TNFRSF9: variants seen among roughly 807,000 people sequenced by gnomAD.
The protein encoded by TNFRSF9 is tumor necrosis factor receptor superfamily member 9.
TNFRSF9 carries 16 observed loss-of-function variants against 28.8 expected under a neutral mutation model. The ratio of observed to expected loss-of-function variants is 0.55; its 90% CI spans 0.38 to 0.84. The LOEUF (loss-of-function observed/expected upper bound fraction) is 0.84, where lower values mean the gene tolerates loss of function less well. Ranked by LOEUF, TNFRSF9 falls within the 40% of genes least tolerant of loss-of-function variation. The probability of loss-of-function intolerance (pLI) is 0.00; values close to 1 mark genes in which losing one functional copy is unlikely to be tolerated. For missense variants in TNFRSF9, 303 were observed against 315.0 expected (o/e 0.96, Z 0.29); for synonymous variants, 131 against 117.0 (o/e 1.12, Z -0.77).
chr1:7,938,121 C>G (rs1466425481), intron 4 of TNFRSF9, 72 bp downstream of exon 4: 1 of 1,378,796 alleles, frequency 7.3e-7, no homozygotes, highest in Non-Finnish European at 9.6e-7. Context: ...TGTTTATTTT[C>G]AAAGGATCAA....
chr1:7,932,687 A>ACGCGCACACACACACG (rs1639749578), intron 7 of TNFRSF9, among the ~76,000 whole-genome samples: 1 of 149,944 alleles, frequency 6.7e-6, no homozygotes, highest in Non-Finnish European at 1.5e-5. Context: ...ACACGCACGC[A>ACGCGCACACACACACG]CGCGCACACA....
intron 7 of TNFRSF9, among the ~76,000 whole-genome samples, chr1:7,925,679 G>A (rs1411365590): frequency 6.6e-6 from 1 of 152,174 alleles, no homozygotes; most frequent in African/African-American, 2.4e-5. Flanking sequence ...TCCCATCTGG[G>A]GGTGATGGGG....
intron 7 of TNFRSF9, among the ~76,000 whole-genome samples, chr1:7,930,000 G>A (rs1459201318): frequency 1.0e-5 from 1 of 95,724 alleles, no homozygotes; most frequent in Non-Finnish European, 1.9e-5. Context: ...ACGGAGTTTC[G>A]CTTTTGTTGC....
At chr1:7,932,039 A>AGGCAGGAGAATCGCTTGAACCC (rs1553119862) in intron 7 of TNFRSF9, among the ~76,000 whole-genome samples, 2 of 152,168 alleles carry the variant, frequency 1.3e-5, no homozygotes, top group Non-Finnish European at 2.9e-5. Context: ...CGGGAGCCTG[A>AGGCAGGAGAATCGCTTGAACCC]GGCAGGAGAA....
At chr1:7,921,494 C>T (rs1009583146) in intron 7 of TNFRSF9, among the ~76,000 whole-genome samples, 10 of 151,614 alleles carry the variant, frequency 6.6e-5, no homozygotes, top group African/African-American at 2.2e-4. Context: ...GGTGAAACCC[C>T]GTCTCTACTA....
intron 7 of TNFRSF9, among the ~76,000 whole-genome samples, chr1:7,925,749 G>A (rs891932855): frequency 7.2e-5 from 11 of 152,066 alleles, no homozygotes; most frequent in East Asian, 1.9e-4. Flanking sequence ...TCGATCCCTC[G>A]TATGCGCAGT....
In TNFRSF9 at chr1:7,922,537, C is replaced by T. The variant is rs189438253; in HGVS notation, c.680-1614G>A. On this transcript the variant is annotated intron_variant, in intron 7 of 7. Transcript: ENST00000377507. ...AAGCAAAAACCAAGAAGAGGCCAGG[C>T]GTGGTGACTCACATCTGTAATCCCA... 2.1e-3 allele frequency among the ~76,000 whole-genome samples: 320 copies of T among 152,186 alleles called. 1 individual carries two copies. Among genetic ancestry groups the T allele is most frequent in the Non-Finnish European group, 1.4e-3 (93 of 68,002 alleles).
chr1:7,921,607 G>C (rs543758171), intron 7 of TNFRSF9, among the ~76,000 whole-genome samples: 5 of 152,182 alleles, frequency 3.3e-5, no homozygotes, highest in African/African-American at 1.2e-4. Flanking sequence ...GGTGGAGGTT[G>C]CAGTGAGCTG....
chr1:7,925,160 T>C (rs1639628301), intron 7 of TNFRSF9, among the ~76,000 whole-genome samples: 1 of 151,920 alleles, frequency 6.6e-6, no homozygotes, highest in Admixed American at 6.6e-5. Flanking sequence ...ATACAAAAAT[T>C]AGCCAGGCGT....
Position 7,920,815 on chromosome 1 carries a change from C to T in TNFRSF9, c.*20G>A, listed in dbSNP as rs780111249. 6 of 1,594,542 alleles carry T rather than the reference C, an allele frequency of 3.8e-6. No homozygotes were observed. Among genetic ancestry groups the T allele is most frequent in the African/African-American group, 1.3e-5 (1 of 74,608 alleles). On this transcript the variant is annotated 3_prime_UTR_variant, in exon 8 of 8. Transcript: ENST00000377507. The stretch of plus-strand genomic sequence containing the variant: ...TTGCTTCTTTTCAAGAAAGTCCCAA[C>T]AGCCCTATTGACTTCCATTTCACAG...
intron 7 of TNFRSF9, 119 bp downstream of exon 7, chr1:7,933,043 G>T (rs1376688175): frequency 2.4e-6 from 3 of 1,272,392 alleles, no homozygotes; most frequent in Admixed American, 5.1e-5. Context: ...TTGCCCCTGC[G>T]TGATAGCCAC....
chr1:7,938,400 T>G, intron 3 of TNFRSF9, 70 bp from the exon 4 acceptor site: 4 of 1,439,900 alleles, frequency 2.8e-6, no homozygotes, highest in Non-Finnish European at 3.7e-6. Context: ...GAATTTATGC[T>G]CTGCAGTAAA....
In TNFRSF9 at chr1:7,930,723, C is replaced by T. The variant is rs536932900; in HGVS notation, c.679+2439G>A. Among the ~76,000 whole-genome samples, 145 of 152,188 alleles carry T rather than the reference C, an allele frequency of 9.5e-4. No homozygotes were observed. In the Middle Eastern group the frequency reaches 0.014, roughly 14 times the overall value. On this transcript the variant is annotated intron_variant, in intron 7 of 7. Transcript: ENST00000377507. Reference sequence around the variant, plus strand: ...GTTCGAGGCTACAGTGAGCTGTGATCGCACCATTGCACTTCAGCCTGGGTG... The same window carrying T: ...GTTCGAGGCTACAGTGAGCTGTGATTGCACCATTGCACTTCAGCCTGGGTG...
At chr1:7,921,640 C>G (rs1206833489) in intron 7 of TNFRSF9, among the ~76,000 whole-genome samples, 3 of 151,828 alleles carry the variant, frequency 2.0e-5, no homozygotes, top group Non-Finnish European at 4.4e-5. Flanking sequence ...TGCACTCCAG[C>G]CTGGGTGACA....
chr1:7,938,070 T>G, intron 4 of TNFRSF9, 123 bp downstream of exon 4: 1 of 781,398 alleles, frequency 1.3e-6, no homozygotes, highest in Admixed American at 3.0e-5. Context: ...ATATGATATA[T>G]CATATACTCC....
intron 7 of TNFRSF9, among the ~76,000 whole-genome samples, chr1:7,927,783 G>T (rs1310519507): frequency 6.6e-6 from 1 of 150,778 alleles, no homozygotes; most frequent in Non-Finnish European, 1.5e-5. Flanking sequence ...AGAATTCTTA[G>T]ACATGACTCC....
At chr1:7,925,531 A>G (rs896048714) in intron 7 of TNFRSF9, among the ~76,000 whole-genome samples, 1 of 152,110 alleles carries the variant, frequency 6.6e-6, no homozygotes, top group Non-Finnish European at 1.5e-5. Flanking sequence ...TGGTTTCAGG[A>G]TGATTCAAGC....
At chr1:7,929,783 C>A (rs942038582) in intron 7 of TNFRSF9, among the ~76,000 whole-genome samples, 9 of 152,068 alleles carry the variant, frequency 5.9e-5, no homozygotes, top group African/African-American at 2.2e-4. Context: ...TGTTATACAA[C>A]TCCACATGTG....
intron 1 of TNFRSF9, among the ~76,000 whole-genome samples, chr1:7,940,301 G>T (rs1416433294): frequency 6.6e-6 from 1 of 152,188 alleles, no homozygotes; most frequent in African/African-American, 2.4e-5. Flanking sequence ...GTTTGAGGGT[G>T]CATTTTCCAT....
Sources: gnomAD v4.1 joint callset for allele counts (sites outside exome capture counted in the v4.1 genomes callset) on GRCh38, gnomAD v4.1.1 for gene constraint, MANE v1.5 for transcripts, NCBI Gene and HGNC (gene_info 2026-07-23, HGNC 2026-07-21) for gene names.